Variants in CFAP299 observed in about 807,000 individuals in gnomAD.
CFAP299 encodes cilia and flagella associated protein 299, also known as cilia- and flagella-associated protein 299.
CFAP299 carries 21 observed loss-of-function variants against 27.0 expected under a neutral mutation model. The observed-to-expected ratio is 0.78, with a 90% confidence interval of 0.55 to 1.12. CFAP299 has a LOEUF of 1.12. CFAP299 is among the 50% of genes most tolerant of loss of function. The probability of loss-of-function intolerance (pLI) is 0.00; values close to 1 mark genes in which losing one functional copy is unlikely to be tolerated. For synonymous variants in CFAP299, 104 were observed against 98.1 expected (o/e 1.06, Z -0.36); for missense variants, 310 against 276.6 (o/e 1.12, Z -0.86).
At chr4:80,361,035 T>A (rs938572242) in intron 1 of CFAP299, among the ~76,000 whole-genome samples, 5 of 152,238 alleles carry the variant, frequency 3.3e-5, no homozygotes, top group Non-Finnish European at 5.9e-5. Flanking sequence ...GCTTTGCTCT[T>A]AACTAGGATA....
intron 4 of CFAP299, among the ~76,000 whole-genome samples, chr4:80,936,153 G>C (rs1209983549): frequency 6.6e-6 from 1 of 152,082 alleles, no homozygotes; most frequent in African/African-American, 2.4e-5. Flanking sequence ...ATGATGATGA[G>C]CTTGTGGAGA....
rs1358372499 is a variant in CFAP299, at chr4:80,583,173, G to A, written c.323G>A (p.Gly108Glu). Residue 108 changes from glycine to glutamate, a missense_variant, in exon 3 of 6, where the codon GGA becomes GAA. Gly to Glu is a moderately conservative substitution (Grantham distance 98). Transcript: ENST00000358105. ...LAMREEDNRS[G>E]KLSSVIFIRD... ...ATGAGAGAAGAAGACAATCGCAGTG[G>A]AAAACTGAGTGTAAGTACATTTCAT... 10 of 1,601,922 alleles carry A rather than the reference G, an allele frequency of 6.2e-6. No homozygotes were observed. The highest frequency in any genetic ancestry group is 8.5e-6 in the Non-Finnish European group (10 of 1,172,036).
intron 2 of CFAP299, among the ~76,000 whole-genome samples, chr4:80,541,009 G>A (rs1531959): frequency 0.1 from 15,880 of 151,994 alleles, 982 homozygotes; most frequent in Middle Eastern, 0.2. Context: ...TTCTTACCCC[G>A]ATCTCTGTGT....
intron 3 of CFAP299, among the ~76,000 whole-genome samples, chr4:80,720,223 T>C (rs190986323): frequency 1.1e-3 from 175 of 152,226 alleles, no homozygotes; most frequent in African/African-American, 4.0e-3. Context: ...TGAGTATCAG[T>C]GATACGTAAG....
At chr4:80,438,804 A>G (rs996817593) in intron 2 of CFAP299, among the ~76,000 whole-genome samples, 4 of 152,218 alleles carry the variant, frequency 2.6e-5, no homozygotes, top group Non-Finnish European at 4.4e-5. Context: ...GAATTGGTAA[A>G]TGTATTAAGT....
At chr4:80,873,380 A>G (rs1355655733) in intron 4 of CFAP299, among the ~76,000 whole-genome samples, 3 of 152,138 alleles carry the variant, frequency 2.0e-5, no homozygotes, top group African/African-American at 4.8e-5. Context: ...CTATTATGAA[A>G]TGTAGCAGTA....
At chr4:80,922,515 A>C (rs1396921806) in intron 4 of CFAP299, among the ~76,000 whole-genome samples, 1 of 152,070 alleles carries the variant, frequency 6.6e-6, no homozygotes, top group Non-Finnish European at 1.5e-5. Context: ...CTGTTTTTCA[A>C]AATAATTTCT....
chr4:80,531,137 G>A (rs1335717015), intron 2 of CFAP299, among the ~76,000 whole-genome samples: 3 of 152,128 alleles, frequency 2.0e-5, no homozygotes, highest in Non-Finnish European at 4.4e-5. Flanking sequence ...GTCCAGATGA[G>A]GATGGCTTGG....
intron 3 of CFAP299, among the ~76,000 whole-genome samples, chr4:80,846,920 T>A (rs72865112): frequency 0.036 from 5,422 of 152,266 alleles, 202 homozygotes; most frequent in African/African-American, 0.099. Flanking sequence ...TTTCTGTAAG[T>A]TTCCAAGATT....
chr4:80,951,566 G>A (rs1350669354), intron 5 of CFAP299, among the ~76,000 whole-genome samples: 3 of 152,152 alleles, frequency 2.0e-5, no homozygotes, highest in African/African-American at 4.8e-5. Context: ...ATTCAGGAAA[G>A]CATTTCCTCT....
chr4:80,377,155 T>C (rs1724457078), intron 2 of CFAP299, among the ~76,000 whole-genome samples: 1 of 152,152 alleles, frequency 6.6e-6, no homozygotes, highest in South Asian at 2.1e-4. Context: ...GGTTCATGTG[T>C]GTGTGTATTT....
chr4:80,917,553 G>A (rs1007943933), intron 4 of CFAP299, among the ~76,000 whole-genome samples: 2 of 152,012 alleles, frequency 1.3e-5, no homozygotes, highest in African/African-American at 2.4e-5. Context: ...GTGTTTGAGG[G>A]AACTCCAGTC....
At chr4:80,638,733 A>G (rs1357188066) in intron 3 of CFAP299, among the ~76,000 whole-genome samples, 1 of 152,144 alleles carries the variant, frequency 6.6e-6, no homozygotes, top group African/African-American at 2.4e-5. Context: ...GTCCAACAAC[A>G]ATGCCAAGTG....
At chr4:80,740,998 A>G (rs1159318973) in intron 3 of CFAP299, among the ~76,000 whole-genome samples, 1 of 152,142 alleles carries the variant, frequency 6.6e-6, no homozygotes, top group Non-Finnish European at 1.5e-5. Context: ...CTAGACCTGG[A>G]TTTGGTGACC....
intron 3 of CFAP299, among the ~76,000 whole-genome samples, chr4:80,624,970 T>A (rs1437870222): frequency 6.6e-6 from 1 of 152,046 alleles, no homozygotes; most frequent in African/African-American, 2.4e-5. Context: ...ACCAGACTTG[T>A]CTTACAAGAA....
intron 1 of CFAP299, among the ~76,000 whole-genome samples, chr4:80,351,014 T>C (rs937364390): frequency 1.3e-5 from 2 of 152,072 alleles, no homozygotes; most frequent in Non-Finnish European, 2.9e-5. Flanking sequence ...TTTAAAGTGC[T>C]GAAAGATTTG....
Position 80,353,189 on chromosome 4 carries a change from T to C in CFAP299, c.112-9565T>C, listed in dbSNP as rs1335387163. 3.3e-5 allele frequency among the ~76,000 whole-genome samples: 5 copies of C among 152,200 alleles called. No individual in the cohort carries two copies. In the East Asian group the frequency reaches 9.6e-4, roughly 29 times the overall value. ...TGATTGTAGTCACCCTAAACATCTC[T>C]TCCAAAGTCATACTCCCTTCTTGGG... On this transcript the variant is annotated intron_variant, in intron 1 of 5. Transcript: ENST00000358105.
intron 2 of CFAP299, among the ~76,000 whole-genome samples, chr4:80,544,600 C>A (rs1277832028): frequency 6.6e-6 from 1 of 152,128 alleles, no homozygotes; most frequent in Non-Finnish European, 1.5e-5. Context: ...TTTAAACCAA[C>A]AATGATCAAA....
intron 3 of CFAP299, among the ~76,000 whole-genome samples, chr4:80,796,152 G>C (rs1033276770): frequency 6.6e-6 from 1 of 152,152 alleles, no homozygotes; most frequent in Non-Finnish European, 1.5e-5. Context: ...AATCCAAATA[G>C]GTCCACTAGG....
Sources: allele counts gnomAD v4.1 joint callset (sites outside exome capture counted in the v4.1 genomes callset), GRCh38; gene constraint gnomAD v4.1.1; transcripts MANE v1.5; gene names NCBI Gene and HGNC (gene_info 2026-07-23, HGNC 2026-07-21).